Variants in ITPR1 observed in about 807,000 individuals in gnomAD.
ITPR1 encodes inositol 1,4,5-trisphosphate receptor type 1, also known as inositol 1,4,5-trisphosphate-gated calcium channel ITPR1.
A neutral mutation model predicts 318.4 loss-of-function variants in ITPR1; 96 were observed. The observed-to-expected ratio is 0.30, with a 90% CI of 0.26 to 0.36. The LOEUF (loss-of-function observed/expected upper bound fraction) is 0.36. ITPR1 is among the 10% of genes least tolerant of loss of function. The probability of loss-of-function intolerance (pLI) is 1.00; values close to 1 mark genes in which losing one functional copy is unlikely to be tolerated. For synonymous variants in ITPR1, 1,312 were observed against 1,289.9 expected, an observed-to-expected ratio of 1.02 and a Z score of -0.37; for missense variants, 2,440 against 3,460.2, an observed-to-expected ratio of 0.71 and a Z score of 7.40.
chr3:4,796,769 G>A (rs2047925227), intron 53 of ITPR1, among the ~76,000 whole-genome samples: 1 of 151,910 alleles, frequency 6.6e-6, no homozygotes, highest in African/African-American at 2.4e-5. Context: ...GGCTCCTGCC[G>A]CCCATTTGCC....
intron 51 of ITPR1, 111 bp from the exon 52 acceptor site, chr3:4,787,836 A>G: frequency 1.4e-6 from 1 of 696,620 alleles, no homozygotes; most frequent in Non-Finnish European, 2.4e-6. Context: ...TTATAAAATC[A>G]GAGATCATAT....
chr3:4,575,842 G>A (rs1033503627), intron 4 of ITPR1, among the ~76,000 whole-genome samples: 1 of 151,968 alleles, frequency 6.6e-6, no homozygotes, highest in Admixed American at 6.5e-5. Context: ...GCAATATAGT[G>A]AGACCTCATC....
intron 54 of ITPR1, among the ~76,000 whole-genome samples, 167 bp downstream of exon 54, chr3:4,800,767 C>T (rs1158278997): frequency 6.6e-6 from 1 of 152,210 alleles, no homozygotes; most frequent in African/African-American, 2.4e-5. Context: ...GGACGTCTCC[C>T]TCTTGACCTC....
chr3:4,673,028 A>C lies in ITPR1; in HGVS notation c.2205-108A>C. 9 of 1,201,720 alleles carry C rather than the reference A, an allele frequency of 7.5e-6. No homozygotes were observed. In the East Asian group the frequency reaches 1.7e-4, roughly 23 times the overall value. The allele number at this position is 1,201,720 out of a possible 1,614,324, so 74.4% of individuals were successfully genotyped here. A position where few individuals can be genotyped will look rare whatever the true frequency, so the allele number is the denominator to read the frequency against. Reference sequence around the variant, plus strand: ...TTTAGGGGTGTTGATGTATGAGTTTAGTTGGCCAAATGTCACTCCCATGAC... The same window carrying C: ...TTTAGGGGTGTTGATGTATGAGTTTCGTTGGCCAAATGTCACTCCCATGAC... On this transcript the variant is annotated intron_variant, in intron 20 of 61. Coordinates refer to ENST00000649015, the MANE Select transcript of ITPR1 (RefSeq NM_001378452.1).
At chr3:4,814,129 G>A (rs1479310515) in intron 57 of ITPR1, among the ~76,000 whole-genome samples, 1 of 152,180 alleles carries the variant, frequency 6.6e-6, no homozygotes, top group Non-Finnish European at 1.5e-5. Flanking sequence ...TGAAAAGACT[G>A]TTTGCGGCTG....
At chr3:4,687,407 G>A (rs997861081) in intron 30 of ITPR1, among the ~76,000 whole-genome samples, 3 of 152,134 alleles carry the variant, frequency 2.0e-5, no homozygotes, top group Admixed American at 6.5e-5. Flanking sequence ...TTTCACGGAT[G>A]AGTAAACAGC....
chr3:4,824,054 G>A (rs1465745527), intron 60 of ITPR1, among the ~76,000 whole-genome samples: 1 of 152,148 alleles, frequency 6.6e-6, no homozygotes, highest in Non-Finnish European at 1.5e-5. Flanking sequence ...AGAAGGTCCC[G>A]ATACCTTGGT....
At chr3:4,620,754 C>T (rs1044002484) in intron 4 of ITPR1, among the ~76,000 whole-genome samples, 1 of 144,850 alleles carries the variant, frequency 6.9e-6, no homozygotes, top group South Asian at 2.2e-4. Context: ...CTCTGTGAAG[C>T]TTTGAATCAA....
chr3:4,803,490 A>G (rs2048370202), intron 54 of ITPR1, among the ~76,000 whole-genome samples: 1 of 152,202 alleles, frequency 6.6e-6, no homozygotes, highest in African/African-American at 2.4e-5. Flanking sequence ...TCGTTGACCT[A>G]CTGGGCTTCA....
chr3:4,790,123 A>T (rs2047459971), intron 52 of ITPR1, among the ~76,000 whole-genome samples: 1 of 152,206 alleles, frequency 6.6e-6, no homozygotes, highest in Admixed American at 6.5e-5. Flanking sequence ...AAAGGTTTTC[A>T]CCTTTTCTGG....
At chr3:4,751,721 C>G (rs2044538862) in intron 44 of ITPR1, 1 of 151,890 alleles carries the variant, frequency 6.6e-6, no homozygotes, top group African/African-American at 2.4e-5. Flanking sequence ...TTTTTTTCCC[C>G]TCTGAGTAAC....
chr3:4,711,210 CAAAAAAAAAAAAAA>C (rs1169754547), intron 38 of ITPR1, among the ~76,000 whole-genome samples: 2 of 57,914 alleles, frequency 3.5e-5, no homozygotes, highest in South Asian at 1.6e-3. Flanking sequence ...GACCTTGTCT[CAAAAAAAAAAAAAA>C]AAAAAAAAAA....
chr3:4,579,332 GATA>G (rs2089044383), intron 4 of ITPR1, among the ~76,000 whole-genome samples: 1 of 152,136 alleles, frequency 6.6e-6, no homozygotes, highest in African/African-American at 2.4e-5. Context: ...TAATTTTGAT[GATA>G]ATTTCTTATT....
intron 2 of ITPR1, among the ~76,000 whole-genome samples, chr3:4,496,315 A>ATG (rs61120521): frequency 0.39 from 58,212 of 151,060 alleles, 11,569 homozygotes; most frequent in South Asian, 0.67. Flanking sequence ...TTTCAAGTTC[A>ATG]TGTGTGTGTG....
At chr3:4,573,603 A>T (rs1026189979) in intron 4 of ITPR1, among the ~76,000 whole-genome samples, 4 of 152,202 alleles carry the variant, frequency 2.6e-5, no homozygotes, top group African/African-American at 7.2e-5. Context: ...AAAAATTCTC[A>T]TTCCTTTGCT....
At chr3:4,501,901 C>G (rs896455026) in intron 2 of ITPR1, among the ~76,000 whole-genome samples, 1 of 152,122 alleles carries the variant, frequency 6.6e-6, no homozygotes, top group Admixed American at 6.5e-5. Flanking sequence ...CTGACCTGTC[C>G]CATCAGCAGA....
chr3:4,792,467 C>T (rs1220854759), intron 52 of ITPR1, among the ~76,000 whole-genome samples: 1 of 152,164 alleles, frequency 6.6e-6, no homozygotes. Flanking sequence ...GGGAGTGGCT[C>T]CTCTGGATGG....
chr3:4,549,478 A>G (rs6776513), intron 4 of ITPR1, among the ~76,000 whole-genome samples: 117,920 of 150,296 alleles, frequency 0.78, 46,376 homozygotes, highest in Non-Finnish European at 0.8. Flanking sequence ...AATTTGGAGG[A>G]CCCCTCCCTC....
intron 4 of ITPR1, among the ~76,000 whole-genome samples, chr3:4,611,628 C>G (rs1246511378): frequency 6.7e-6 from 1 of 149,950 alleles, no homozygotes; most frequent in Non-Finnish European, 1.5e-5. Flanking sequence ...GCGTGTAGTT[C>G]CAGGTACTCG....
Sources: allele counts gnomAD v4.1 joint callset (sites outside exome capture counted in the v4.1 genomes callset), GRCh38; gene constraint gnomAD v4.1.1; transcripts MANE v1.5; gene names NCBI Gene and HGNC (gene_info 2026-07-23, HGNC 2026-07-21).